Variants in CAPN3 observed in about 807,000 individuals in gnomAD.
CAPN3 encodes the protein calpain 3, also known as calpain-3.
Under a neutral mutation model 114.0 loss-of-function variants are expected in CAPN3, and 88 were observed. That is an observed-to-expected ratio of 0.77 (90% CI 0.65 to 0.92). The LOEUF (loss-of-function observed/expected upper bound fraction) is 0.92. Ranked by LOEUF, CAPN3 falls within the 40% of genes least tolerant of loss-of-function variation. The probability of loss-of-function intolerance (pLI) is 0.00; values close to 1 mark genes in which losing one functional copy is unlikely to be tolerated. For missense variants in CAPN3, 1,028 were observed against 1,069.0 expected (o/e 0.96, Z 0.53); for synonymous variants, 386 against 382.9 (o/e 1.01, Z -0.09).
chr15:42,364,637 A>G (rs2052732594), intron 1 of CAPN3, among the ~76,000 whole-genome samples: 1 of 152,186 alleles, frequency 6.6e-6, no homozygotes. Flanking sequence ...ATCTACATCA[A>G]ATATAAAATG....
At chr15:42,401,868 C>A in intron 11 of CAPN3, 58 bp downstream of exon 11, 1 of 1,561,806 alleles carries the variant, frequency 6.4e-7, no homozygotes. Flanking sequence ...GAGGACGCTT[C>A]CAGGGGCTTC....
At chr15:42,386,330 C>T (rs1294236925) in intron 3 of CAPN3, 45 bp downstream of exon 3, 30 of 1,332,354 alleles carry the variant, frequency 2.3e-5, no homozygotes, top group Non-Finnish European at 3.1e-5. Context: ...GGCAGGCCAC[C>T]CACCGCTGGT....
intron 12 of CAPN3, 177 bp from the exon 13 acceptor site, chr15:42,402,617 A>G: frequency 6.6e-7 from 1 of 1,521,242 alleles, no homozygotes; most frequent in South Asian, 1.2e-5. Context: ...TCACAACAGA[A>G]AAGGAAGAGG....
intron 6 of CAPN3, among the ~76,000 whole-genome samples, chr15:42,391,893 G>A (rs1431021898): frequency 2.0e-5 from 3 of 152,250 alleles, no homozygotes; most frequent in Non-Finnish European, 4.4e-5. Context: ...GCCAGGCGCA[G>A]TGGCTCATGC....
At chr15:42,411,695 G>GGC in intron 23 of CAPN3, 52 bp from the exon 24 acceptor site, 2 of 792,722 alleles carry the variant, frequency 2.5e-6, no homozygotes, top group Non-Finnish European at 4.0e-6. Context: ...GGGCGGGGGG[G>GGC]GGGGGGGTCA....
intron 19 of CAPN3, 91 bp from the exon 20 acceptor site, chr15:42,410,337 T>C (rs1595846780): frequency 2.7e-6 from 3 of 1,129,926 alleles, no homozygotes; most frequent in Middle Eastern, 5.3e-4. Context: ...AACAGGGCAG[T>C]GGGTAGGACA....
chr15:42,388,667 A>G (rs1448957898), intron 4 of CAPN3, among the ~76,000 whole-genome samples: 2 of 151,678 alleles, frequency 1.3e-5, no homozygotes, highest in African/African-American at 4.8e-5. Flanking sequence ...AAGAGCTCTC[A>G]GGAAGTGGGG....
chr15:42,406,510 T>C (rs989372381), intron 15 of CAPN3, among the ~76,000 whole-genome samples: 3 of 152,084 alleles, frequency 2.0e-5, no homozygotes, highest in Non-Finnish European at 4.4e-5. Context: ...CCTCTCTTTT[T>C]TTTCCCCCCC....
chr15:42,401,377 A>G (rs958397950), intron 10 of CAPN3, among the ~76,000 whole-genome samples: 10 of 151,844 alleles, frequency 6.6e-5, no homozygotes, highest in African/African-American at 2.4e-4. Flanking sequence ...GCAGGTAAGG[A>G]AAACAAAACC....
intron 9 of CAPN3, among the ~76,000 whole-genome samples, chr15:42,397,322 A>G (rs1307880696): frequency 6.6e-6 from 1 of 152,194 alleles, no homozygotes; most frequent in African/African-American, 2.4e-5. Context: ...GACTGGGATT[A>G]ATTTATGATG....
Position 42,396,888 on chromosome 15 carries a change from A to C in CAPN3, c.1193+11A>C. On this transcript the variant is annotated intron_variant, in intron 9 of 23. Transcript: ENST00000397163. ...GGATGGAGAGTTCTGGTGAGTCCAG[A>C]ACCCAGGAAGACCCAGAAGGGTAAG... 6.2e-7 allele frequency: 1 copy of C among 1,603,730 alleles called. No homozygotes were observed. Among genetic ancestry groups the C allele is most frequent in the Non-Finnish European group, 8.5e-7 (1 of 1,170,570 alleles).
rs1016134150 is a variant in CAPN3, at chr15:42,385,459, A to G, written c.380-708A>G. The stretch of plus-strand genomic sequence containing the variant: ...CCCTGCACACTCTCAGTTGCATTTC[A>G]CTTAACCCATCCTCCTTAGAAGGCA... On this transcript the variant is annotated intron_variant, in intron 2 of 23. Coordinates refer to ENST00000397163, the MANE Select transcript of CAPN3 (RefSeq NM_000070.3). 7.9e-5 allele frequency among the ~76,000 whole-genome samples: 12 copies of G among 151,624 alleles called. 1 individual carries two copies. Among genetic ancestry groups the G allele is most frequent in the Admixed American group, 7.2e-4 (11 of 15,192 alleles).
intron 1 of CAPN3, among the ~76,000 whole-genome samples, chr15:42,383,141 C>T (rs893635009): frequency 1.3e-5 from 2 of 152,182 alleles, no homozygotes; most frequent in Admixed American, 6.5e-5. Context: ...TTTCCATCTA[C>T]TAGGAGTATA....
At chr15:42,405,820 C>A (rs2054003261) in intron 14 of CAPN3, 106 bp from the exon 15 acceptor site, 6 of 850,140 alleles carry the variant, frequency 7.1e-6, no homozygotes, top group Middle Eastern at 2.2e-4. Flanking sequence ...CCCTGGAGCC[C>A]CACCCCAAGC....
intron 6 of CAPN3, among the ~76,000 whole-genome samples, chr15:42,390,623 C>T (rs2053527541): frequency 6.6e-6 from 1 of 151,866 alleles, no homozygotes; most frequent in South Asian, 2.1e-4. Context: ...GAAAATTTCA[C>T]TTATATTTTT....
intron 1 of CAPN3, among the ~76,000 whole-genome samples, chr15:42,378,580 C>G (rs1198963930): frequency 6.6e-6 from 1 of 152,128 alleles, no homozygotes; most frequent in Non-Finnish European, 1.5e-5. Context: ...TTCTATTGAT[C>G]TTTCCAAAGA....
chr15:42,409,913 T>G lies in CAPN3; in HGVS notation c.2051-18T>G. The G allele has an allele frequency of 6.2e-7, 1 of 1,612,686 alleles. No homozygotes were observed. Among genetic ancestry groups the G allele is most frequent in the Non-Finnish European group, 8.5e-7 (1 of 1,179,750 alleles). ...CCGTTGTCTCAAAGCAGCTCCTCAC[T>G]CTTCTCCATCCCCCCAGACAAGGAC... On this transcript the variant is annotated intron_variant, in intron 18 of 23. Transcript: ENST00000397163.
chr15:42,366,865 G>A (rs1451868193), intron 1 of CAPN3, among the ~76,000 whole-genome samples: 3 of 133,586 alleles, frequency 2.2e-5, no homozygotes, highest in Non-Finnish European at 3.0e-5. Context: ...ACAGGGTCTC[G>A]CTCTGTTGCC....
rs374665929 is a variant in CAPN3 at position 42,399,483 on chromosome 15, A to G, written c.1194-9A>G. 2.0e-5 allele frequency: 33 copies of G among 1,611,120 alleles called. No homozygotes were observed. Among genetic ancestry groups the G allele is most frequent in the Middle Eastern group, 1.6e-4 (1 of 6,082 alleles). On this transcript the variant is annotated splice_polypyrimidine_tract_variant and intron_variant, in intron 9 of 23. Transcript: ENST00000397163. ...CCATATGGCTCTCTCTCTTCTTCCA[A>G]CCTCTCAGGATGTCCTATGAGGATT...
Sources: gnomAD v4.1 joint callset for allele counts (sites outside exome capture counted in the v4.1 genomes callset) on GRCh38, gnomAD v4.1.1 for gene constraint, MANE v1.5 for transcripts, NCBI Gene and HGNC (gene_info 2026-07-23, HGNC 2026-07-21) for gene names.